The following SCN11A variants were observed in gnomAD, a reference collection of about 807,000 sequenced individuals.
The protein encoded by SCN11A is sodium channel protein type 11 subunit alpha.
SCN11A carries 122 observed loss-of-function variants against 162.2 expected under a neutral mutation model. The observed-to-expected ratio is 0.75, with a 90% confidence interval of 0.65 to 0.87. The LOEUF (loss-of-function observed/expected upper bound fraction) is 0.87. Among genes scored for constraint, SCN11A ranks in the 40% least tolerant of loss-of-function variants. The probability of loss-of-function intolerance (pLI) is 0.00; values close to 1 mark genes in which losing one functional copy is unlikely to be tolerated. For synonymous variants in SCN11A, 758 were observed against 751.5 expected (o/e 1.01, Z -0.14); for missense variants, 2,015 against 2,181.6 (o/e 0.92, Z 1.52).
rs563964714 is a variant in SCN11A at position 38,873,909 on chromosome 3, C to G, written c.3394-1615G>C. On this transcript the variant is annotated intron_variant, in intron 23 of 29. Coordinates refer to ENST00000302328, the MANE Select transcript of SCN11A (RefSeq NM_001349253.2). ...TCCTTGTAACTGTTGAGGAATAGTA[C>G]AGCATATAAATCTTCATGTTTTACG... Among the ~76,000 whole-genome samples, 3 of 152,292 alleles carry G rather than the reference C, an allele frequency of 2.0e-5. No individual in the cohort carries two copies. The East Asian group carries it at 5.8e-4, about 29-fold the overall frequency.
chr3:38,944,821 G>A (rs1303989501), intron 7 of SCN11A, among the ~76,000 whole-genome samples: 1 of 151,904 alleles, frequency 6.6e-6, no homozygotes. Flanking sequence ...AAATTGGCTG[G>A]GCACGGTGGC....
chr3:38,902,887 G>C (rs775655519), intron 16 of SCN11A, among the ~76,000 whole-genome samples: 1 of 150,592 alleles, frequency 6.6e-6, no homozygotes, highest in Non-Finnish European at 1.5e-5. Flanking sequence ...AAAAAAAAAT[G>C]CCAAAAAAGG....
At chr3:38,895,712 C>T (rs2065585390) in intron 18 of SCN11A, among the ~76,000 whole-genome samples, 1 of 152,108 alleles carries the variant, frequency 6.6e-6, no homozygotes, top group Admixed American at 6.5e-5. Flanking sequence ...GTGAGAATTC[C>T]CACCTCTGGA....
chr3:39,024,716 G>T (rs904830502), intron 2 of SCN11A, among the ~76,000 whole-genome samples: 4 of 152,210 alleles, frequency 2.6e-5, no homozygotes, highest in African/African-American at 9.6e-5. Context: ...ATTTCAGAAA[G>T]GGTCCTGCCC....
intron 7 of SCN11A, among the ~76,000 whole-genome samples, chr3:38,937,046 A>G (rs1488779912): frequency 6.6e-6 from 1 of 152,202 alleles, no homozygotes; most frequent in Non-Finnish European, 1.5e-5. Flanking sequence ...GGAACAGAAC[A>G]GAGCCCTCAG....
At chr3:38,937,013 C>T (rs1214845651) in intron 7 of SCN11A, among the ~76,000 whole-genome samples, 1 of 151,826 alleles carries the variant, frequency 6.6e-6, no homozygotes, top group East Asian at 1.9e-4. Flanking sequence ...GGTACTGGTA[C>T]CAAAACAGAG....
At chr3:38,940,077 G>A (rs2066419419) in intron 7 of SCN11A, among the ~76,000 whole-genome samples, 1 of 140,690 alleles carries the variant, frequency 7.1e-6, no homozygotes, top group South Asian at 2.3e-4. Flanking sequence ...TATATATATA[G>A]TTTTATATAA....
At chr3:38,907,767 C>A (rs2065822188) in intron 14 of SCN11A, among the ~76,000 whole-genome samples, 182 bp downstream of exon 14, 1 of 152,140 alleles carries the variant, frequency 6.6e-6, no homozygotes, top group Non-Finnish European at 1.5e-5. Context: ...TGTAAACACT[C>A]TAAATTGATG....
At chr3:38,860,197 C>A (rs2064940771) in intron 28 of SCN11A, among the ~76,000 whole-genome samples, 1 of 152,126 alleles carries the variant, frequency 6.6e-6, no homozygotes, top group Non-Finnish European at 1.5e-5. Context: ...AACCTCTGAT[C>A]CCTGAATGCT....
chr3:39,037,117 T>C (rs2031921641), intron 1 of SCN11A, among the ~76,000 whole-genome samples: 1 of 152,236 alleles, frequency 6.6e-6, no homozygotes, highest in African/African-American at 2.4e-5. Flanking sequence ...ATGTGGCACG[T>C]GTATACGATA....
intron 1 of SCN11A, among the ~76,000 whole-genome samples, chr3:39,043,912 G>A (rs927250179): frequency 1.3e-5 from 2 of 152,108 alleles, no homozygotes; most frequent in Non-Finnish European, 2.9e-5. Context: ...AATTTTCCAT[G>A]ATGTGATTAC....
chr3:38,856,717 AAAAT>A lies in SCN11A; in HGVS notation c.4057-5970_4057-5967del, dbSNP rs542089529. Among the ~76,000 whole-genome samples the A allele has an allele frequency of 6.9e-3, 1,050 of 152,286 alleles. 12 individuals are homozygous for A. Among genetic ancestry groups the A allele is most frequent in the African/African-American group, 0.024 (1,001 of 41,554 alleles). ...AAGTCAGTAAATAAAACACTGGGAA[AAAAT>A]AAATAAATAAATAAATAAAAATGTA... On this transcript the variant is annotated intron_variant, in intron 28 of 29. Transcript: ENST00000302328.
chr3:38,910,502 T>G (rs1386585449), intron 11 of SCN11A, among the ~76,000 whole-genome samples: 1 of 152,178 alleles, frequency 6.6e-6, no homozygotes, highest in Non-Finnish European at 1.5e-5. Context: ...CTTCCCAGTT[T>G]CCTGATCCCA....
intron 2 of SCN11A, among the ~76,000 whole-genome samples, chr3:39,009,833 C>T (rs7427896): frequency 0.1 from 14,808 of 141,474 alleles, 960 homozygotes; most frequent in East Asian, 0.21. Flanking sequence ...TGCATCATCA[C>T]GCTCAGCTAA....
intron 1 of SCN11A, among the ~76,000 whole-genome samples, chr3:39,042,156 G>A (rs1225145381): frequency 2.0e-5 from 3 of 151,954 alleles, no homozygotes; most frequent in East Asian, 3.9e-4. Context: ...GTAGTCCCAG[G>A]TACTCAGGAG....
At chr3:39,034,413 T>TA (rs753272666) in intron 1 of SCN11A, among the ~76,000 whole-genome samples, 6 of 151,354 alleles carry the variant, frequency 4.0e-5, no homozygotes, top group South Asian at 2.1e-4. Flanking sequence ...CCCTTCATGA[T>TA]AAAAAAAAAT....
At chr3:38,848,847 T>C (rs922056395) in intron 29 of SCN11A, among the ~76,000 whole-genome samples, 46 of 152,286 alleles carry the variant, frequency 3.0e-4, no homozygotes, top group African/African-American at 1.1e-3. Context: ...TAGAGAGAGA[T>C]TCATTTCAAC....
At chr3:38,979,287 T>C (rs959953723) in intron 2 of SCN11A, among the ~76,000 whole-genome samples, 1 of 152,252 alleles carries the variant, frequency 6.6e-6, no homozygotes, top group African/African-American at 2.4e-5. Context: ...CAATTCCATG[T>C]GGATGTAACT....
chr3:38,938,054 A>C (rs1202091441), intron 7 of SCN11A, among the ~76,000 whole-genome samples: 1 of 152,228 alleles, frequency 6.6e-6, no homozygotes, highest in Non-Finnish European at 1.5e-5. Flanking sequence ...GCAGCCATAA[A>C]AAATGATGAG....
Sources: gnomAD v4.1 joint callset for allele counts (sites outside exome capture counted in the v4.1 genomes callset) on GRCh38, gnomAD v4.1.1 for gene constraint, MANE v1.5 for transcripts, NCBI Gene and HGNC (gene_info 2026-07-23, HGNC 2026-07-21) for gene names.